FSTL5: variants seen among roughly 807,000 people sequenced by gnomAD.
FSTL5 encodes the protein follistatin like 5.
A neutral mutation model predicts 89.1 loss-of-function variants in FSTL5; 62 were observed. That is an observed-to-expected ratio of 0.70 (90% CI 0.57 to 0.86). The LOEUF (loss-of-function observed/expected upper bound fraction) is 0.86, where lower values mean the gene tolerates loss of function less well. Among genes scored for constraint, FSTL5 ranks in the 40% least tolerant of loss-of-function variants. The probability of loss-of-function intolerance (pLI) is 0.00; values close to 1 mark genes in which losing one functional copy is unlikely to be tolerated. For missense variants in FSTL5, 1,057 were observed against 1,001.6 expected (o/e 1.06, Z -0.75); for synonymous variants, 383 against 346.2 (o/e 1.11, Z -1.18).
intron 7 of FSTL5, among the ~76,000 whole-genome samples, chr4:161,594,745 C>T (rs1026816412): frequency 6.6e-6 from 1 of 151,904 alleles, no homozygotes; most frequent in Non-Finnish European, 1.5e-5. Flanking sequence ...CTAATCCTCT[C>T]ATCAGTTTGA....
At chr4:161,641,489 G>A (rs536712177) in intron 7 of FSTL5, among the ~76,000 whole-genome samples, 1 of 151,242 alleles carries the variant, frequency 6.6e-6, no homozygotes, top group Non-Finnish European at 1.5e-5. Context: ...CCAAATTAGA[G>A]GGTTTTTTTG....
At chr4:161,828,926 T>G (rs1730751156) in intron 4 of FSTL5, among the ~76,000 whole-genome samples, 1 of 151,916 alleles carries the variant, frequency 6.6e-6, no homozygotes, top group African/African-American at 2.4e-5. Context: ...ATAAAACCAC[T>G]AAAGAAGTTT....
chr4:161,938,298 G>A (rs370666940), intron 3 of FSTL5, among the ~76,000 whole-genome samples: 2 of 152,002 alleles, frequency 1.3e-5, no homozygotes, highest in East Asian at 3.9e-4. Flanking sequence ...TGGTGATCTT[G>A]ATAAGGGCAT....
At chr4:161,449,677 G>T (rs1160695155) in intron 15 of FSTL5, among the ~76,000 whole-genome samples, 1 of 152,146 alleles carries the variant, frequency 6.6e-6, no homozygotes, top group Non-Finnish European at 1.5e-5. Flanking sequence ...GATAGGAGAA[G>T]AAATGGGAAA....
At chr4:161,829,136 A>ATT (rs1730760106) in intron 4 of FSTL5, among the ~76,000 whole-genome samples, 1 of 45,726 alleles carries the variant, frequency 2.2e-5, no homozygotes, top group Non-Finnish European at 4.4e-5. Context: ...CTTCAGTCAC[A>ATT]TTTTATATAT....
chr4:161,611,859 A>C (rs1734664936), intron 7 of FSTL5, among the ~76,000 whole-genome samples: 1 of 152,216 alleles, frequency 6.6e-6, no homozygotes, highest in Non-Finnish European at 1.5e-5. Context: ...TCCAAACTCT[A>C]ATCCCCAAAA....
chr4:161,930,367 G>C (rs112527183), intron 3 of FSTL5, among the ~76,000 whole-genome samples: 16 of 151,782 alleles, frequency 1.1e-4, no homozygotes, highest in African/African-American at 3.6e-4. Flanking sequence ...ATACTGATTA[G>C]TTCATTAATT....
chr4:162,128,488 G>A (rs764197838), intron 1 of FSTL5, among the ~76,000 whole-genome samples: 3 of 152,120 alleles, frequency 2.0e-5, no homozygotes, highest in Non-Finnish European at 4.4e-5. Context: ...AGTACATAGG[G>A]AGAAGCCACC....
At chr4:162,155,541 A>G (rs1733433050) in intron 1 of FSTL5, among the ~76,000 whole-genome samples, 1 of 152,234 alleles carries the variant, frequency 6.6e-6, no homozygotes, top group African/African-American at 2.4e-5. Flanking sequence ...TGTATGTCAC[A>G]ACAGAAAACA....
chr4:162,006,642 AT>A (rs1423005629), intron 3 of FSTL5, among the ~76,000 whole-genome samples: 1 of 151,950 alleles, frequency 6.6e-6, no homozygotes, highest in Non-Finnish European at 1.5e-5. Flanking sequence ...AATCTCCGGT[AT>A]TACTCATTGC....
At chr4:161,793,836 T>C (rs1560849904) in intron 4 of FSTL5, among the ~76,000 whole-genome samples, 1 of 152,116 alleles carries the variant, frequency 6.6e-6, no homozygotes, top group Admixed American at 6.5e-5. Flanking sequence ...CTCGAATTCC[T>C]GACCACAGGT....
intron 6 of FSTL5, among the ~76,000 whole-genome samples, chr4:161,747,890 A>G (rs1161873804): frequency 6.6e-6 from 1 of 152,302 alleles, no homozygotes; most frequent in Non-Finnish European, 1.5e-5. Context: ...TAGCAAATAT[A>G]TATTGGAAAT....
rs72989002 is a variant in FSTL5 at position 161,545,906 on chromosome 4, A to C, written c.1016-3213T>G. ...TCCTTAAGAAAATACAAACTTAACC[A>C]ATAAAAATAAAAACAACAGTCAAGT... On this transcript the variant is annotated intron_variant, in intron 8 of 15. Coordinates refer to ENST00000306100, the MANE Select transcript of FSTL5 (RefSeq NM_020116.5). Among the ~76,000 whole-genome samples, 567 of 152,112 alleles carry C rather than the reference A, an allele frequency of 3.7e-3. 4 individuals are homozygous for C. Among genetic ancestry groups the C allele is most frequent in the African/African-American group, 0.013 (538 of 41,554 alleles).
At chr4:161,421,292 G>T (rs1051926374) in intron 15 of FSTL5, among the ~76,000 whole-genome samples, 4 of 149,764 alleles carry the variant, frequency 2.7e-5, no homozygotes, top group Admixed American at 1.3e-4. Flanking sequence ...AGTGAGCCAA[G>T]ATCGCGCCAC....
chr4:162,022,129 T>C (rs141562791), intron 3 of FSTL5, among the ~76,000 whole-genome samples: 153 of 151,196 alleles, frequency 1.0e-3, no homozygotes, highest in African/African-American at 3.3e-3. Flanking sequence ...ATGGGTACAA[T>C]GTAGACTATT....
intron 13 of FSTL5, among the ~76,000 whole-genome samples, chr4:161,461,453 T>C: frequency 1.4e-5 from 1 of 72,416 alleles, no homozygotes; most frequent in South Asian, 6.6e-4. Flanking sequence ...AGAGCAAGAC[T>C]CCGTCTCAAA....
At chr4:161,795,212 T>G (rs1018283136) in intron 4 of FSTL5, among the ~76,000 whole-genome samples, 1 of 152,134 alleles carries the variant, frequency 6.6e-6, no homozygotes, top group East Asian at 1.9e-4. Context: ...AAATTTCATA[T>G]AAACAATGAA....
intron 4 of FSTL5, among the ~76,000 whole-genome samples, chr4:161,827,301 C>A (rs1180401269): frequency 6.6e-6 from 1 of 152,240 alleles, no homozygotes; most frequent in Non-Finnish European, 1.5e-5. Context: ...GTGATGTGAA[C>A]CGTCTTCAGG....
intron 13 of FSTL5, among the ~76,000 whole-genome samples, chr4:161,470,412 T>C (rs1054426186): frequency 1.3e-5 from 2 of 152,188 alleles, no homozygotes; most frequent in Non-Finnish European, 2.9e-5. Flanking sequence ...TATATGTTTA[T>C]TTATGAACTT....
Sources: gnomAD v4.1 joint callset for allele counts (sites outside exome capture counted in the v4.1 genomes callset) on GRCh38, gnomAD v4.1.1 for gene constraint, MANE v1.5 for transcripts, NCBI Gene and HGNC (gene_info 2026-07-23, HGNC 2026-07-21) for gene names.